ST7: variants seen among roughly 807,000 people sequenced by gnomAD.
ST7 encodes the protein suppressor of tumorigenicity 7 protein.
ST7 carries 28 observed loss-of-function variants against 78.7 expected under a neutral mutation model. The ratio of observed to expected loss-of-function variants is 0.36; its 90% CI spans 0.26 to 0.49. ST7 has a LOEUF of 0.49. Ranked by LOEUF, ST7 falls within the 20% of genes least tolerant of loss-of-function variation. The pLI is 0.99. For synonymous variants in ST7, 247 were observed against 249.6 expected (o/e 0.99, Z 0.10); for missense variants, 418 against 696.0 (o/e 0.60, Z 4.49).
At chr7:117,093,249 A>G (rs1419438936) in intron 1 of ST7, among the ~76,000 whole-genome samples, 2 of 152,224 alleles carry the variant, frequency 1.3e-5, no homozygotes, top group East Asian at 3.8e-4. Flanking sequence ...AGGACTAATC[A>G]CAATGTGGAT....
rs113475008 is a variant in ST7 at position 117,151,946 on chromosome 7, C to A, written c.963+13414C>A. 1.6e-3 allele frequency among the ~76,000 whole-genome samples: 238 copies of A among 151,472 alleles called. 1 individual carries two copies. Among genetic ancestry groups the A allele is most frequent in the African/African-American group, 3.5e-3 (145 of 41,314 alleles). On this transcript the variant is annotated intron_variant, in intron 9 of 15. Transcript: ENST00000323984. ...ACCAGTCTGGCCAACATGGGGAAACCCTGTCTCTACTAAAAATACAAAAAT... is the reference window on the plus strand; with the variant it reads ...ACCAGTCTGGCCAACATGGGGAAACACTGTCTCTACTAAAAATACAAAAAT...
intron 1 of ST7, among the ~76,000 whole-genome samples, chr7:117,095,574 CTG>C (rs1800967071): frequency 6.6e-6 from 1 of 152,296 alleles, no homozygotes; most frequent in African/African-American, 2.4e-5. Flanking sequence ...CTTTCAATAA[CTG>C]AGGTGATATT....
chr7:116,973,679 G>A (rs903383850), intron 1 of ST7, among the ~76,000 whole-genome samples: 1 of 152,120 alleles, frequency 6.6e-6, no homozygotes, highest in African/African-American at 2.4e-5. Flanking sequence ...TGTATTTAAT[G>A]TATTCATCAA....
chr7:117,230,040 T>C lies in ST7; in HGVS notation c.*183T>C. 3 of 732,736 alleles carry C rather than the reference T, an allele frequency of 4.1e-6. No homozygotes were observed. The highest frequency in any genetic ancestry group is 7.5e-6 in the Non-Finnish European group (3 of 397,626). The allele number at this position is 732,736 out of a possible 1,614,324, so 45.4% of individuals were successfully genotyped here. On this transcript the variant is annotated 3_prime_UTR_variant, in exon 16 of 16. Coordinates refer to ENST00000323984, the MANE Select transcript of ST7 (RefSeq NM_001369598.1). ...TGTACAAAATTCACTGATGTTCAGTTCTATTTTATTTTGCCTTCAGAAAAG... is the reference window on the plus strand; with the variant it reads ...TGTACAAAATTCACTGATGTTCAGTCCTATTTTATTTTGCCTTCAGAAAAG...
At chr7:116,967,534 C>T in intron 1 of ST7, 2 of 376,972 alleles carry the variant, frequency 5.3e-6, no homozygotes, top group Non-Finnish European at 1.1e-5. Flanking sequence ...TCCAGCCTTT[C>T]CATTCTTGAA....
intron 1 of ST7, among the ~76,000 whole-genome samples, chr7:116,967,763 A>G (rs908940156): frequency 2.6e-5 from 4 of 152,200 alleles, no homozygotes; most frequent in African/African-American, 9.6e-5. Context: ...TACATTTTAG[A>G]TATTTACTTG....
intron 1 of ST7, among the ~76,000 whole-genome samples, chr7:116,961,165 C>T (rs969193993): frequency 6.6e-6 from 1 of 152,152 alleles, no homozygotes; most frequent in South Asian, 2.1e-4. Flanking sequence ...TTCCATTGGT[C>T]TATGTGTCTG....
At chr7:117,079,752 A>G (rs1204501970) in intron 1 of ST7, among the ~76,000 whole-genome samples, 1 of 152,142 alleles carries the variant, frequency 6.6e-6, no homozygotes, top group Non-Finnish European at 1.5e-5. Context: ...GAAAATGGAA[A>G]AAGTGTGTAA....
intron 10 of ST7, among the ~76,000 whole-genome samples, chr7:117,185,679 T>C (rs1253168520): frequency 3.9e-5 from 6 of 152,172 alleles, no homozygotes; most frequent in African/African-American, 7.2e-5. Context: ...TAATCCCAGC[T>C]CTTTGGGAGG....
intron 1 of ST7, among the ~76,000 whole-genome samples, chr7:116,991,302 G>C (rs1389644400): frequency 6.6e-6 from 1 of 152,124 alleles, no homozygotes; most frequent in Non-Finnish European, 1.5e-5. Context: ...ATGTTATTCA[G>C]CCATGTATTA....
intron 1 of ST7, among the ~76,000 whole-genome samples, chr7:117,001,293 A>G (rs979853153): frequency 3.4e-5 from 5 of 148,666 alleles, no homozygotes; most frequent in Non-Finnish European, 7.4e-5. Context: ...GAATGTATGT[A>G]TTTGTATATT....
intron 9 of ST7, among the ~76,000 whole-genome samples, chr7:117,170,523 A>G (rs1337336759): frequency 1.3e-5 from 2 of 152,122 alleles, no homozygotes; most frequent in African/African-American, 2.4e-5. Flanking sequence ...TCTACTTAAA[A>G]CACAAAAATT....
At chr7:117,053,768 T>C (rs1343536330) in intron 1 of ST7, among the ~76,000 whole-genome samples, 1 of 152,058 alleles carries the variant, frequency 6.6e-6, no homozygotes, top group Non-Finnish European at 1.5e-5. Context: ...GGAGGGAAGA[T>C]AGAGAGTTAT....
At chr7:117,080,399 A>G (rs1799682329) in intron 1 of ST7, among the ~76,000 whole-genome samples, 2 of 152,176 alleles carry the variant, frequency 1.3e-5, no homozygotes, top group South Asian at 4.1e-4. Context: ...GTCATTTATA[A>G]CTTGATTTTT....
Position 117,190,734 on chromosome 7 carries a change from G to T in ST7, c.1152-100G>T. 3.4e-6 allele frequency: 3 copies of T among 882,370 alleles called. No individual in the cohort carries two copies. The highest frequency in any genetic ancestry group is 5.5e-6 in the Non-Finnish European group (3 of 546,590). The allele number at this position is 882,370 out of a possible 1,614,324, so 54.7% of individuals were successfully genotyped here. A position where few individuals can be genotyped will look rare whatever the true frequency, so the allele number is the denominator to read the frequency against. Reference sequence around the variant, plus strand: ...AGAAGTTTGGAGAGCTCATGCTATTGGCTCACTGTGGTTTTATGGGCCCTA... The same window carrying T: ...AGAAGTTTGGAGAGCTCATGCTATTTGCTCACTGTGGTTTTATGGGCCCTA... On this transcript the variant is annotated intron_variant, in intron 11 of 15. Coordinates refer to ENST00000323984, the MANE Select transcript of ST7 (RefSeq NM_001369598.1). The surrounding 1 kb of genome is among the most constrained non-coding windows in gnomAD (Gnocchi z 5.2).
At chr7:117,198,192 T>C (rs1236316590) in intron 12 of ST7, 1 of 324,882 alleles carries the variant, frequency 3.1e-6, no homozygotes, top group African/African-American at 2.2e-5. Flanking sequence ...ATAAAAGTAA[T>C]GGCTTCACAG....
chr7:116,993,809 AG>A (rs992777311), intron 1 of ST7, among the ~76,000 whole-genome samples: 1 of 152,252 alleles, frequency 6.6e-6, no homozygotes, highest in Non-Finnish European at 1.5e-5. Context: ...ACTAGCAATA[AG>A]AGAGGTTCTA....
At chr7:116,979,989 C>T (rs1164026788) in intron 1 of ST7, among the ~76,000 whole-genome samples, 11 of 103,386 alleles carry the variant, frequency 1.1e-4, no homozygotes, top group African/African-American at 3.4e-4. Context: ...GACAGAGTCT[C>T]ACTCTGTCGC....
At chr7:117,075,226 A>G (rs1794644712) in intron 1 of ST7, among the ~76,000 whole-genome samples, 1 of 152,200 alleles carries the variant, frequency 6.6e-6, no homozygotes, top group South Asian at 2.1e-4. Flanking sequence ...CAGTATCCTT[A>G]ATGTTACTTA....
Sources: allele counts gnomAD v4.1 joint callset (sites outside exome capture counted in the v4.1 genomes callset), GRCh38; gene constraint gnomAD v4.1.1; non-coding constraint Gnocchi (gnomAD v3.1); transcripts MANE v1.5; gene names NCBI Gene and HGNC (gene_info 2026-07-23, HGNC 2026-07-21).